THSD4: variants seen among roughly 807,000 people sequenced by gnomAD.
The protein encoded by THSD4 is thrombospondin type-1 domain-containing protein 4.
THSD4 carries 69 observed loss-of-function variants against 119.0 expected under a neutral mutation model. That is an observed-to-expected ratio of 0.58 (90% CI 0.48 to 0.71). The LOEUF is 0.71. Ranked by LOEUF, THSD4 falls within the 30% of genes least tolerant of loss-of-function variation. The pLI is 0.00. For synonymous variants in THSD4, 524 were observed against 540.4 expected (o/e 0.97, Z 0.42); for missense variants, 1,393 against 1,391.1 (o/e 1.00, Z -0.02).
At chr15:71,344,120 G>A (rs2045620640) in intron 6 of THSD4, among the ~76,000 whole-genome samples, 1 of 148,670 alleles carries the variant, frequency 6.7e-6, no homozygotes, top group South Asian at 2.1e-4. Context: ...CTCACTGCAA[G>A]CTCCGCCTCC....
At chr15:71,124,107 A>C (rs2040432923) in intron 1 of THSD4, among the ~76,000 whole-genome samples, 1 of 152,182 alleles carries the variant, frequency 6.6e-6, no homozygotes, top group Admixed American at 6.5e-5. Context: ...CAGCACCACC[A>C]TTTGACAGAC....
At chr15:71,456,787 A>G (rs1233281083) in intron 7 of THSD4, among the ~76,000 whole-genome samples, 2 of 152,230 alleles carry the variant, frequency 1.3e-5, no homozygotes, top group African/African-American at 2.4e-5. Flanking sequence ...TCATAGCAGC[A>G]GCCAAGAAAT....
chr15:71,247,935 G>A (rs775230962), intron 5 of THSD4, among the ~76,000 whole-genome samples: 18 of 152,188 alleles, frequency 1.2e-4, no homozygotes, highest in Non-Finnish European at 2.6e-4. Flanking sequence ...CAATTCCTCT[G>A]GTGCCTGAGG....
chr15:71,226,118 A>G (rs2044016508), intron 4 of THSD4, among the ~76,000 whole-genome samples: 1 of 152,084 alleles, frequency 6.6e-6, no homozygotes, highest in Non-Finnish European at 1.5e-5. Flanking sequence ...TGGGTGGCCT[A>G]TGGGAGTCAC....
Position 71,377,494 on chromosome 15 carries a change from G to A in THSD4, c.1016-34193G>A, listed in dbSNP as rs114718132. Among the ~76,000 whole-genome samples the A allele has an allele frequency of 3.2e-3, 484 of 152,200 alleles. 2 individuals are homozygous for A. Among genetic ancestry groups the A allele is most frequent in the African/African-American group, 0.011 (468 of 41,524 alleles). On this transcript the variant is annotated intron_variant, in intron 6 of 17. Transcript: ENST00000261862. ...GGAGAAAAAAGTAGAATCAGGGAAG[G>A]AACAACCCCAGGGGAAGGGAACCAG... is the stretch of plus-strand genomic sequence containing the variant.
chr15:71,757,558 A>AGTTGGGATTACAGGT (rs1313854639), intron 14 of THSD4, among the ~76,000 whole-genome samples: 22 of 2,534 alleles, frequency 8.7e-3, no homozygotes, highest in South Asian at 0.015. Flanking sequence ...AGCCTCCCAA[A>AGTTGGGATTACAGGT]GCTCTGGTAC....
intron 6 of THSD4, among the ~76,000 whole-genome samples, chr15:71,343,991 G>C (rs376070284): frequency 6.6e-6 from 1 of 151,250 alleles, no homozygotes; most frequent in Admixed American, 6.6e-5. Context: ...TGGGGGTGGG[G>C]TGGGGGTGGG....
chr15:71,545,023 G>T (rs776108748), intron 7 of THSD4, among the ~76,000 whole-genome samples: 1 of 152,152 alleles, frequency 6.6e-6, no homozygotes, highest in Non-Finnish European at 1.5e-5. Context: ...AAATGGAGAG[G>T]TAGTGTTCAG....
intron 16 of THSD4, among the ~76,000 whole-genome samples, chr15:71,768,560 A>ATTTTTTTTTTT (rs964263863): frequency 1.0e-5 from 1 of 99,280 alleles, no homozygotes; most frequent in Non-Finnish European, 1.9e-5. Context: ...GCAGATCCTG[A>ATTTTTTTTTTT]TTTTTTTTTT....
At chr15:71,494,932 T>A (rs930606592) in intron 7 of THSD4, among the ~76,000 whole-genome samples, 1 of 152,220 alleles carries the variant, frequency 6.6e-6, no homozygotes, top group Non-Finnish European at 1.5e-5. Context: ...ATTTAGGTGC[T>A]CTGATGAGGT....
chr15:71,564,678 TATA>T (rs1182568360), intron 7 of THSD4, among the ~76,000 whole-genome samples: 1 of 18,206 alleles, frequency 5.5e-5, no homozygotes, highest in East Asian at 5.9e-4. Context: ...TATTATAACA[TATA>T]ATACAATATA....
At chr15:71,504,713 G>T (rs187398729) in intron 7 of THSD4, among the ~76,000 whole-genome samples, 3 of 152,308 alleles carry the variant, frequency 2.0e-5, no homozygotes, top group East Asian at 3.9e-4. Flanking sequence ...TTAACGTCTT[G>T]TATTACTAGG....
chr15:71,650,023 G>GT lies in THSD4; in HGVS notation c.1153-10506dup, dbSNP rs1445481563. Among the ~76,000 whole-genome samples the GT allele has an allele frequency of 5.9e-5, 9 of 152,248 alleles. 1 individual carries two copies. Among genetic ancestry groups the GT allele is most frequent in the African/African-American group, 2.2e-4 (9 of 41,540 alleles). Reference sequence around the variant, plus strand: ...TAGTTGGAACTACTTAATATAGAGGGTGGCAATCTCTCACACCTCAGAATG... The same window carrying GT: ...TAGTTGGAACTACTTAATATAGAGGGTTGGCAATCTCTCACACCTCAGAATG... On this transcript the variant is annotated intron_variant, in intron 7 of 17. Coordinates refer to ENST00000261862, the MANE Select transcript of THSD4 (RefSeq NM_024817.3).
chr15:71,315,199 C>T (rs571616498), intron 6 of THSD4, among the ~76,000 whole-genome samples: 1 of 152,344 alleles, frequency 6.6e-6, no homozygotes, highest in Admixed American at 6.5e-5. Flanking sequence ...CTTCATCTCT[C>T]CTCATCTCTG....
At chr15:71,396,410 C>G (rs368552828) in intron 6 of THSD4, among the ~76,000 whole-genome samples, 2 of 152,136 alleles carry the variant, frequency 1.3e-5, no homozygotes, top group East Asian at 1.9e-4. Flanking sequence ...TGCAGAGGTG[C>G]TACCACTTCC....
intron 1 of THSD4, chr15:71,097,140 G>T (rs1214943420): frequency 6.6e-6 from 1 of 152,178 alleles, no homozygotes; most frequent in African/African-American, 2.4e-5. Context: ...GATCAAATCA[G>T]CTCTGATTTC....
intron 3 of THSD4, among the ~76,000 whole-genome samples, chr15:71,169,805 C>T (rs182290118): frequency 6.6e-6 from 1 of 152,280 alleles, no homozygotes; most frequent in East Asian, 1.9e-4. Context: ...TTGAGAGTTT[C>T]CTGGTCTTGG....
intron 3 of THSD4, among the ~76,000 whole-genome samples, chr15:71,192,457 A>G (rs1252550089): frequency 6.6e-6 from 1 of 151,492 alleles, no homozygotes; most frequent in African/African-American, 2.4e-5. Flanking sequence ...TAATTTTTGT[A>G]TTTTTAGTAG....
intron 7 of THSD4, among the ~76,000 whole-genome samples, chr15:71,564,664 AG>A (rs2049190744): frequency 1.5e-5 from 1 of 68,622 alleles, no homozygotes; most frequent in African/African-American, 9.0e-5. Context: ...TACAATATAT[AG>A]TATATTATAA....
Sources: allele counts gnomAD v4.1 joint callset (sites outside exome capture counted in the v4.1 genomes callset), GRCh38; gene constraint gnomAD v4.1.1; transcripts MANE v1.5; gene names NCBI Gene and HGNC (gene_info 2026-07-23, HGNC 2026-07-21).